Variants in ADGRL4 observed in about 807,000 individuals in gnomAD.
ADGRL4 encodes the protein adhesion G protein-coupled receptor L4.
Under a neutral mutation model 74.8 loss-of-function variants are expected in ADGRL4, and 90 were observed. That is an observed-to-expected ratio of 1.20 (90% CI 1.02 to 1.43). ADGRL4 has a LOEUF of 1.43. Among genes scored for constraint, ADGRL4 ranks in the 40% most tolerant of loss-of-function variants. ADGRL4 has a pLI of 0.00. For missense variants in ADGRL4, 881 were observed against 814.3 expected, an observed-to-expected ratio of 1.08 and a Z score of -1.00; for synonymous variants, 311 against 279.2, an observed-to-expected ratio of 1.11 and a Z score of -1.14.
At chr1:79,003,260 T>TA (rs1006021602) in intron 2 of ADGRL4, among the ~76,000 whole-genome samples, 12 of 151,746 alleles carry the variant, frequency 7.9e-5, no homozygotes, top group African/African-American at 2.9e-4. Flanking sequence ...CTATCCTGAC[T>TA]AAAAAAAGGT....
At chr1:78,935,114 T>C (rs1018283401) in intron 7 of ADGRL4, among the ~76,000 whole-genome samples, 1 of 152,204 alleles carries the variant, frequency 6.6e-6, no homozygotes, top group African/African-American at 2.4e-5. Context: ...CGTATGTTTA[T>C]TGCAGCACTA....
chr1:78,916,284 A>T (rs562185317), intron 12 of ADGRL4, among the ~76,000 whole-genome samples: 4 of 151,974 alleles, frequency 2.6e-5, no homozygotes, highest in Non-Finnish European at 4.4e-5. Flanking sequence ...TTATCTAAAC[A>T]ATAAGAGTCA....
rs748443069 is a variant in ADGRL4 at position 78,939,268 on chromosome 1, A to C, written c.326-10T>G. The C allele has an allele frequency of 2.3e-5, 36 of 1,560,802 alleles. No homozygotes were observed. Among genetic ancestry groups the C allele is most frequent in the Non-Finnish European group, 3.1e-5 (36 of 1,154,888 alleles). ...TTTGCATTCACATTTTCTGTAAAAA[A>C]AGAAAATAGATTATACAGTCAGTTT... On this transcript the variant is annotated splice_polypyrimidine_tract_variant and intron_variant, in intron 3 of 14. Transcript: ENST00000370742.
intron 2 of ADGRL4, among the ~76,000 whole-genome samples, chr1:78,999,907 T>C (rs1650807346): frequency 6.6e-6 from 1 of 151,818 alleles, no homozygotes; most frequent in Non-Finnish European, 1.5e-5. Flanking sequence ...CAGAAAATGG[T>C]ATTCTTAATT....
At chr1:78,982,217 A>G (rs1650409688) in intron 2 of ADGRL4, among the ~76,000 whole-genome samples, 1 of 151,664 alleles carries the variant, frequency 6.6e-6, no homozygotes, top group African/African-American at 2.4e-5. Flanking sequence ...TCTAAAATAT[A>G]AGCCATTTTG....
chr1:78,966,003 A>G lies in ADGRL4; in HGVS notation c.173-19577T>C, dbSNP rs972213515. ...GATAGGACAGAACCAAAAAAAAAAA[A>G]ACAAAAACAAAAACAAAAAAACCAA... On this transcript the variant is annotated intron_variant, in intron 2 of 14. Transcript: ENST00000370742. 2.6e-5 allele frequency among the ~76,000 whole-genome samples: 4 copies of G among 151,834 alleles called. No individual in the cohort carries two copies. The South Asian group carries it at 8.3e-4, about 31-fold the overall frequency.
intron 14 of ADGRL4, 35 bp downstream of exon 14, chr1:78,891,489 T>C: frequency 6.3e-6 from 10 of 1,590,602 alleles, no homozygotes; most frequent in Non-Finnish European, 8.6e-6. Context: ...GTTACATGAA[T>C]ATACTAGGAA....
intron 2 of ADGRL4, among the ~76,000 whole-genome samples, chr1:78,986,445 A>G (rs958404244): frequency 2.6e-5 from 4 of 151,458 alleles, no homozygotes; most frequent in Admixed American, 1.3e-4. Flanking sequence ...ATGAAATACA[A>G]TAAGAAAAAA....
chr1:78,926,255 A>AG (rs1649112391), intron 8 of ADGRL4, among the ~76,000 whole-genome samples: 2 of 152,120 alleles, frequency 1.3e-5, no homozygotes, highest in Admixed American at 1.3e-4. Flanking sequence ...GATAACATCA[A>AG]CTGTGAAATG....
chr1:79,001,018 A>T (rs1315848817), intron 2 of ADGRL4, among the ~76,000 whole-genome samples: 2 of 152,118 alleles, frequency 1.3e-5, no homozygotes, highest in African/African-American at 4.8e-5. Flanking sequence ...CGTGAGATAT[A>T]TACTTGTAAT....
intron 2 of ADGRL4, among the ~76,000 whole-genome samples, chr1:78,967,282 A>C (rs1170286553): frequency 2.6e-5 from 4 of 152,230 alleles, no homozygotes; most frequent in African/African-American, 9.6e-5. Flanking sequence ...TTTGAGAACT[A>C]TCTGACTTGC....
chr1:78,917,608 G>C, intron 12 of ADGRL4, 26 bp downstream of exon 12: 1 of 1,435,722 alleles, frequency 7.0e-7, no homozygotes, highest in Non-Finnish European at 9.4e-7. Context: ...TTTTTGAATT[G>C]TAATAACAAT....
chr1:78,934,727 AT>A lies in ADGRL4; in HGVS notation c.877+1567del, dbSNP rs371686377. Among the ~76,000 whole-genome samples the A allele has an allele frequency of 5.1e-4, 77 of 152,300 alleles. No homozygotes were observed. In the East Asian group the frequency reaches 0.01, roughly 21 times the overall value. On this transcript the variant is annotated intron_variant, in intron 7 of 14. Transcript: ENST00000370742. ...TACAAGAAAAAAATCAAGCAACTCC[AT>A]CAAAAAGTGGGCAAAGGATATGGAC...
At chr1:78,999,788 ATATCTATC>A (rs67005634) in intron 2 of ADGRL4, among the ~76,000 whole-genome samples, 2,886 of 141,736 alleles carry the variant, frequency 0.02, 31 homozygotes, top group South Asian at 0.057. Flanking sequence ...ATCTATAGTT[ATATCTATC>A]TATCTATCTA....
At chr1:78,916,185 A>C (rs1648869185) in intron 12 of ADGRL4, among the ~76,000 whole-genome samples, 1 of 151,884 alleles carries the variant, frequency 6.6e-6, no homozygotes, top group African/African-American at 2.4e-5. Context: ...ACTGTTAAAA[A>C]CTATTTCAAA....
intron 7 of ADGRL4, among the ~76,000 whole-genome samples, chr1:78,931,054 C>A (rs772666314): frequency 4.0e-5 from 6 of 151,176 alleles, no homozygotes; most frequent in Admixed American, 6.6e-5. Flanking sequence ...GCAAGACAGG[C>A]CAACATGCAA....
At chr1:78,992,157 A>G (rs1001928173) in intron 2 of ADGRL4, among the ~76,000 whole-genome samples, 1 of 152,036 alleles carries the variant, frequency 6.6e-6, no homozygotes, top group Non-Finnish European at 1.5e-5. Context: ...AGAGAAAGTC[A>G]TTATCTCCTT....
intron 12 of ADGRL4, among the ~76,000 whole-genome samples, chr1:78,907,974 G>A (rs1648681455): frequency 6.6e-6 from 1 of 151,958 alleles, no homozygotes; most frequent in Non-Finnish European, 1.5e-5. Flanking sequence ...TCCTTGGGAA[G>A]CCCTGAAACT....
intron 7 of ADGRL4, among the ~76,000 whole-genome samples, chr1:78,933,830 A>G (rs1017695018): frequency 2.0e-5 from 3 of 152,126 alleles, no homozygotes; most frequent in Admixed American, 2.0e-4. Context: ...CCCATTCACA[A>G]TTGCTACAAA....
Sources: allele counts gnomAD v4.1 joint callset (sites outside exome capture counted in the v4.1 genomes callset), GRCh38; gene constraint gnomAD v4.1.1; transcripts MANE v1.5; gene names NCBI Gene and HGNC (gene_info 2026-07-23, HGNC 2026-07-21).